Variants in RHOJ observed in about 807,000 individuals in gnomAD.
RHOJ encodes the protein rho-related GTP-binding protein RhoJ.
A neutral mutation model predicts 23.4 loss-of-function variants in RHOJ; 11 were observed. The ratio of observed to expected loss-of-function variants is 0.47; its 90% CI spans 0.30 to 0.78. The LOEUF (loss-of-function observed/expected upper bound fraction) is 0.78, where lower values mean the gene tolerates loss of function less well. RHOJ is among the 30% of genes least tolerant of loss of function. RHOJ has a pLI of 0.08. For missense variants in RHOJ, 254 were observed against 273.4 expected, an observed-to-expected ratio of 0.93 and a Z score of 0.50; for synonymous variants, 102 against 102.7, an observed-to-expected ratio of 0.99 and a Z score of 0.04.
chr14:63,212,491 G>T (rs754063625), intron 1 of RHOJ, among the ~76,000 whole-genome samples: 3 of 152,126 alleles, frequency 2.0e-5, no homozygotes, highest in African/African-American at 7.2e-5. Context: ...GCATGATTCT[G>T]TTCATTTGAT....
intron 1 of RHOJ, among the ~76,000 whole-genome samples, chr14:63,248,797 T>C (rs946598804): frequency 6.6e-6 from 1 of 152,232 alleles, no homozygotes; most frequent in Admixed American, 6.5e-5. Context: ...CTTTCAGCCC[T>C]GCCTTCTCAG....
At chr14:63,210,844 G>T (rs116233706) in intron 1 of RHOJ, among the ~76,000 whole-genome samples, 1 of 152,128 alleles carries the variant, frequency 6.6e-6, no homozygotes, top group Non-Finnish European at 1.5e-5. Flanking sequence ...ACCTCTTTAC[G>T]ATGTTCACCA....
intron 1 of RHOJ, among the ~76,000 whole-genome samples, chr14:63,228,551 A>C (rs1485226945): frequency 6.6e-6 from 1 of 152,192 alleles, no homozygotes; most frequent in Non-Finnish European, 1.5e-5. Flanking sequence ...TTGATCTATA[A>C]ATACCTTCTG....
At chr14:63,209,457 G>C (rs1894185163) in intron 1 of RHOJ, among the ~76,000 whole-genome samples, 1 of 151,918 alleles carries the variant, frequency 6.6e-6, no homozygotes, top group East Asian at 1.9e-4. Context: ...TGAAGAGTTT[G>C]TACTTGCTTT....
intron 1 of RHOJ, among the ~76,000 whole-genome samples, chr14:63,236,560 G>A (rs555300522): frequency 2.0e-4 from 31 of 152,174 alleles, no homozygotes; most frequent in African/African-American, 7.0e-4. Flanking sequence ...AGAACGGCAC[G>A]GGAAAAACCT....
At chr14:63,233,005 C>T (rs931051588) in intron 1 of RHOJ, among the ~76,000 whole-genome samples, 5 of 152,000 alleles carry the variant, frequency 3.3e-5, no homozygotes, top group African/African-American at 1.2e-4. Context: ...CTCCATCACT[C>T]AATAAAGACA....
intron 1 of RHOJ, among the ~76,000 whole-genome samples, chr14:63,217,193 C>T (rs981112878): frequency 6.6e-6 from 1 of 150,518 alleles, no homozygotes; most frequent in Non-Finnish European, 1.5e-5. Flanking sequence ...CCCACTAACT[C>T]GTCATCTAGC....
intron 1 of RHOJ, among the ~76,000 whole-genome samples, chr14:63,233,099 G>A (rs1264311247): frequency 6.6e-6 from 1 of 152,186 alleles, no homozygotes; most frequent in African/African-American, 2.4e-5. Context: ...AGGAGAATGT[G>A]AGGATCATGG....
At chr14:63,232,628 A>C (rs1894715063) in intron 1 of RHOJ, among the ~76,000 whole-genome samples, 1 of 152,008 alleles carries the variant, frequency 6.6e-6, no homozygotes, top group South Asian at 2.1e-4. Flanking sequence ...GCAATAATAA[A>C]TATGATTTAT....
chr14:63,290,908 G>C lies in RHOJ; in HGVS notation c.529G>C (p.Ala177Pro). Residue 177 changes from alanine (A) to proline (P), a missense_variant, in exon 5 of 5, where the codon GCT (alanine) becomes CCT (proline). Ala to Pro is a conservative substitution (Grantham distance 27). Coordinates refer to ENST00000316754, the MANE Select transcript of RHOJ (RefSeq NM_020663.5). ...IGAQCYLECS[A>P]LTQKGLKAVF... ...AGCACAGTGCTACTTGGAATGTTCA[G>C]CTCTGACTCAGAAAGGTCTCAAAGC... is the stretch of plus-strand genomic sequence containing the variant. The C allele has an allele frequency of 6.2e-7, 1 of 1,613,936 alleles. No individual in the cohort carries two copies.
intron 2 of RHOJ, among the ~76,000 whole-genome samples, chr14:63,271,024 A>G (rs1895459570): frequency 6.6e-6 from 1 of 152,238 alleles, no homozygotes; most frequent in Admixed American, 6.5e-5. Context: ...AAAAAATTTA[A>G]ATAATACTGG....
At chr14:63,218,488 A>C (rs1177286916) in intron 1 of RHOJ, among the ~76,000 whole-genome samples, 1 of 152,204 alleles carries the variant, frequency 6.6e-6, no homozygotes, top group Non-Finnish European at 1.5e-5. Context: ...TATAGTAATG[A>C]ATATGGTATC....
intron 1 of RHOJ, among the ~76,000 whole-genome samples, chr14:63,210,390 C>T (rs1487191903): frequency 6.6e-6 from 1 of 152,164 alleles, no homozygotes; most frequent in Non-Finnish European, 1.5e-5. Context: ...TTTTGGGTGC[C>T]TCACTCAAAC....
chr14:63,242,277 T>C (rs540265382), intron 1 of RHOJ, among the ~76,000 whole-genome samples: 3 of 152,144 alleles, frequency 2.0e-5, no homozygotes, highest in African/African-American at 7.2e-5. Context: ...AAATTAAAGG[T>C]TCCATTTCCT....
At chr14:63,239,840 G>A (rs1894852985) in intron 1 of RHOJ, among the ~76,000 whole-genome samples, 1 of 152,128 alleles carries the variant, frequency 6.6e-6, no homozygotes, top group Non-Finnish European at 1.5e-5. Flanking sequence ...ATCTATGTGT[G>A]GTATTTTCTG....
Position 63,293,250 on chromosome 14 carries a change from T to C in RHOJ, c.*2226T>C, listed in dbSNP as rs1882307569. On this transcript the variant is annotated 3_prime_UTR_variant, in exon 5 of 5. Coordinates refer to ENST00000316754, the MANE Select transcript of RHOJ (RefSeq NM_020663.5). ...GTTGCATGATTGCATAGTTATATCTTGCTAACGGGCCACTCATTTCTCACT... is the reference window on the plus strand; with the variant it reads ...GTTGCATGATTGCATAGTTATATCTCGCTAACGGGCCACTCATTTCTCACT... 6.6e-6 allele frequency: 1 copy of C among 152,230 alleles called. No homozygotes were observed. Among genetic ancestry groups the C allele is most frequent in the Admixed American group, 6.5e-5 (1 of 15,286 alleles). The allele number at this position is 152,230 out of a possible 1,614,324, so 9.4% of individuals were successfully genotyped here. A position where few individuals can be genotyped will look rare whatever the true frequency, so the allele number is the denominator to read the frequency against.
intron 1 of RHOJ, among the ~76,000 whole-genome samples, chr14:63,239,097 T>C (rs1184210281): frequency 2.6e-5 from 4 of 151,466 alleles, no homozygotes; most frequent in African/African-American, 9.8e-5. Flanking sequence ...TGGTTTTTTT[T>C]CTGTTTGTTT....
rs1233830037 is a variant in RHOJ at position 63,293,049 on chromosome 14, A to C, written c.*2025A>C. The C allele has an allele frequency of 6.6e-6, 1 of 152,160 alleles. No individual in the cohort carries two copies. The highest frequency in any genetic ancestry group is 2.4e-5 in the African/African-American group (1 of 41,418). The allele number at this position is 152,160 out of a possible 1,614,324, so 9.4% of individuals were successfully genotyped here. A position where few individuals can be genotyped will look rare whatever the true frequency, so the allele number is the denominator to read the frequency against. On this transcript the variant is annotated 3_prime_UTR_variant, in exon 5 of 5. Transcript: ENST00000316754. Reference sequence around the variant, plus strand: ...CATACGCACACACTCCAGTGACTGGAAAAACGGGAGTTTTCAGTCAAAGCT... The same window carrying C: ...CATACGCACACACTCCAGTGACTGGCAAAACGGGAGTTTTCAGTCAAAGCT...
intron 1 of RHOJ, among the ~76,000 whole-genome samples, chr14:63,231,763 C>T (rs111717238): frequency 4.6e-5 from 7 of 152,284 alleles, no homozygotes; most frequent in African/African-American, 9.6e-5. Context: ...GAACAAATAT[C>T]GGTGGCTTCT....
Sources: allele counts gnomAD v4.1 joint callset (sites outside exome capture counted in the v4.1 genomes callset), GRCh38; gene constraint gnomAD v4.1.1; transcripts MANE v1.5; gene names NCBI Gene and HGNC (gene_info 2026-07-23, HGNC 2026-07-21).